The following SQSTM1 variants were observed in gnomAD, a reference collection of about 807,000 sequenced individuals.
The protein encoded by SQSTM1 is sequestosome 1.
Under a neutral mutation model 45.1 loss-of-function variants are expected in SQSTM1, and 36 were observed. That is an observed-to-expected ratio of 0.80 (90% CI 0.61 to 1.05). SQSTM1 has a LOEUF of 1.05. Ranked by LOEUF, SQSTM1 falls within the 50% of genes least tolerant of loss-of-function variation. The pLI is 0.00. For synonymous variants in SQSTM1, 290 were observed against 244.3 expected (o/e 1.19, Z -1.74); for missense variants, 617 against 607.1 (o/e 1.02, Z -0.17).
upstream of SQSTM1, among the ~76,000 whole-genome samples, chr5:179,816,891 G>A (rs1379504362): frequency 1.3e-5 from 2 of 152,212 alleles, no homozygotes; most frequent in Non-Finnish European, 2.9e-5. Context: ...GTGACGGAGG[G>A]AGGGAGAGGC....
At chr5:179,836,383 G>A (rs1201940587) in intron 7 of SQSTM1, 53 bp from the exon 8 acceptor site, 7 of 1,613,304 alleles carry the variant, frequency 4.3e-6, no homozygotes, top group Non-Finnish European at 5.9e-6. Flanking sequence ...TGTGTTTCGG[G>A]TCACTCACAG....
chr5:179,820,822 A>T, upstream of SQSTM1: 5 of 1,016,466 alleles, frequency 4.9e-6, no homozygotes, highest in Non-Finnish European at 4.0e-6. Context: ...GGGGGCGGGG[A>T]GGGCGCGAGA....
intron 5 of SQSTM1, among the ~76,000 whole-genome samples, chr5:179,825,705 G>C (rs1443226449): frequency 1.3e-5 from 2 of 152,194 alleles, no homozygotes; most frequent in Non-Finnish European, 2.9e-5. Flanking sequence ...GCGGGGAGAA[G>C]GTGGAGGCAG....
At chr5:179,825,368 G>C in intron 5 of SQSTM1, 142 bp downstream of exon 5, 1 of 775,258 alleles carries the variant, frequency 1.3e-6, no homozygotes, top group Non-Finnish European at 2.2e-6. Flanking sequence ...ACCTTTAGTA[G>C]TGCTGGACCA....
chr5:179,828,351 AC>A (rs1445898690), intron 5 of SQSTM1, among the ~76,000 whole-genome samples: 2 of 137,800 alleles, frequency 1.5e-5, no homozygotes, highest in African/African-American at 5.4e-5. Flanking sequence ...GTTTGTTTCA[AC>A]CTTTTTTTTT....
Position 179,837,250 on chromosome 5 carries a change from A to C in SQSTM1, c.*657A>C. Reference sequence around the variant, plus strand: ...CTAATTAAATGGCATCAGCACTTTAACCAATGACGTTTGCATAGAGAGAAA... The same window carrying C: ...CTAATTAAATGGCATCAGCACTTTACCCAATGACGTTTGCATAGAGAGAAA... On this transcript the variant is annotated 3_prime_UTR_variant, in exon 8 of 8. Transcript: ENST00000389805. The C allele has an allele frequency of 6.2e-7, 1 of 1,603,494 alleles. No homozygotes were observed. Among genetic ancestry groups the C allele is most frequent in the Non-Finnish European group, 8.5e-7 (1 of 1,179,326 alleles).
intron 5 of SQSTM1, among the ~76,000 whole-genome samples, chr5:179,830,704 C>G (rs931261491): frequency 2.6e-5 from 4 of 151,974 alleles, no homozygotes; most frequent in Admixed American, 6.6e-5. Context: ...ATTACAGGCA[C>G]CCGCCACCAT....
At chr5:179,821,629 G>A (rs181703158) in intron 1 of SQSTM1, 536 of 419,368 alleles carry the variant, frequency 1.3e-3, no homozygotes, top group Non-Finnish European at 2.1e-3. Context: ...AAACAAGCGC[G>A]GGGGTGCGGG....
upstream of SQSTM1, among the ~76,000 whole-genome samples, chr5:179,817,142 G>T (rs1327684060): frequency 6.6e-6 from 1 of 152,122 alleles, no homozygotes; most frequent in Non-Finnish European, 1.5e-5. Context: ...GCTCGGGTGG[G>T]GTGGGCCGGG....
rs1158564722 is a variant in SQSTM1 at position 179,833,112 on chromosome 5, G to A, written c.835G>A (p.Glu279Lys). 1.2e-6 allele frequency: 2 copies of A among 1,614,024 alleles called. No individual in the cohort carries two copies. Among genetic ancestry groups the A allele is most frequent in the Non-Finnish European group, 1.7e-6 (2 of 1,179,954 alleles). ...TPVSPESSSTEEKSSSQPSSC... is the reference protein window; with the variant it reads ...TPVSPESSSTKEKSSSQPSSC... Reference sequence around the variant, plus strand: ...CGTCTCTCCAGAGAGTTCCAGCACAGAGGAGAAGAGCAGCTCACAGCCAAG... The same window carrying A: ...CGTCTCTCCAGAGAGTTCCAGCACAAAGGAGAAGAGCAGCTCACAGCCAAG... The change falls in exon 6 of 8, where the codon GAG becomes AAG. Residue 279 changes from glutamate to lysine, a missense_variant. By Grantham distance (56) the Glu-to-Lys change is moderately conservative. Coordinates refer to ENST00000389805, the MANE Select transcript of SQSTM1 (RefSeq NM_003900.5).
intron 7 of SQSTM1, among the ~76,000 whole-genome samples, chr5:179,834,861 C>T (rs2113517410): frequency 6.6e-6 from 1 of 152,362 alleles, no homozygotes; most frequent in Admixed American, 6.5e-5. Context: ...CCTTTCCCCG[C>T]TTTCTATTCC....
At chr5:179,827,576 A>G (rs1012430814) in intron 5 of SQSTM1, among the ~76,000 whole-genome samples, 1 of 152,144 alleles carries the variant, frequency 6.6e-6, no homozygotes. Flanking sequence ...GAGCCACTGC[A>G]CCCGGCCCTC....
rs764039094 is a variant in SQSTM1 at position 179,824,202 on chromosome 5, G to T, written c.552G>T (p.Trp184Cys). ...CCCAGGGCTTCTCGCACAGCCGCTG[G>T]CTCCGGAAGGTGAAACACGGACACT... Reference protein sequence around the residue: ...HLSEGFSHSRWLRKVKHGHFG... With the variant: ...HLSEGFSHSRCLRKVKHGHFG... Residue 184 changes from tryptophan (W) to cysteine (C), a missense_variant, in exon 4 of 8, where the codon TGG becomes TGT. Trp to Cys is a radical substitution (Grantham distance 215). Coordinates refer to ENST00000389805, the MANE Select transcript of SQSTM1 (RefSeq NM_003900.5). 1.2e-6 allele frequency: 2 copies of T among 1,613,874 alleles called. No homozygotes were observed. Among genetic ancestry groups the T allele is most frequent in the South Asian group, 2.2e-5 (2 of 91,090 alleles).
chr5:179,808,222 G>C (rs1199081064), intron 1 of SQSTM1: 1 of 152,306 alleles, frequency 6.6e-6, no homozygotes, highest in Non-Finnish European at 1.5e-5. Flanking sequence ...CCCACACCTG[G>C]GGCTGAGTGG....
At chr5:179,810,092 T>G (rs1442683191) in intron 1 of SQSTM1, among the ~76,000 whole-genome samples, 1 of 152,154 alleles carries the variant, frequency 6.6e-6, no homozygotes, top group African/African-American at 2.4e-5. Context: ...CCAACAATTT[T>G]TTTTTAATTT....
chr5:179,835,335 A>G (rs166033), intron 7 of SQSTM1: 107,254 of 172,114 alleles, frequency 0.62, 35,789 homozygotes, highest in African/African-American at 0.84. Context: ...TAAGGCAGGC[A>G]GCTGGGAGGT....
intron 1 of SQSTM1, 82 bp downstream of exon 1, chr5:179,821,223 T>C: frequency 8.0e-7 from 1 of 1,250,822 alleles, no homozygotes; most frequent in Non-Finnish European, 1.0e-6. Flanking sequence ...CCCTCCCTTC[T>C]CGGCGACGCC....
intron 7 of SQSTM1, among the ~76,000 whole-genome samples, chr5:179,834,559 G>A (rs529953826): frequency 1.3e-5 from 2 of 151,216 alleles, no homozygotes; most frequent in South Asian, 2.1e-4. Flanking sequence ...AGGACCCTGC[G>A]GCCTTCCGCA....
upstream of SQSTM1, chr5:179,820,610 ACCCTGAT>A (rs1757736694): frequency 3.6e-6 from 1 of 275,022 alleles, no homozygotes; most frequent in African/African-American, 2.2e-5. Flanking sequence ...CCCCGCCAGT[ACCCTGAT>A]CCCAGGTGCA....
Sources: gnomAD v4.1 joint callset for allele counts (sites outside exome capture counted in the v4.1 genomes callset) on GRCh38, gnomAD v4.1.1 for gene constraint, MANE v1.5 for transcripts, NCBI Gene and HGNC (gene_info 2026-07-23, HGNC 2026-07-21) for gene names.